The following ADAMTSL1 variants were observed in gnomAD, a reference collection of about 807,000 sequenced individuals.
The protein encoded by ADAMTSL1 is ADAMTS like 1.
ADAMTSL1 carries 126 observed loss-of-function variants against 201.8 expected under a neutral mutation model. The observed-to-expected ratio is 0.62, with a 90% CI of 0.54 to 0.72. ADAMTSL1 has a LOEUF of 0.72. ADAMTSL1 is among the 30% of genes least tolerant of loss of function. ADAMTSL1 has a pLI of 0.00. For missense variants in ADAMTSL1, 2,679 were observed against 2,277.8 expected, an observed-to-expected ratio of 1.18 and a Z score of -3.59; for synonymous variants, 1,121 against 903.4, an observed-to-expected ratio of 1.24 and a Z score of -4.32.
intron 27 of ADAMTSL1, 78 bp downstream of exon 27, chr9:18,905,969 C>G: frequency 2.3e-6 from 3 of 1,289,662 alleles, no homozygotes; most frequent in Non-Finnish European, 2.2e-6. Context: ...GAATGTTTCT[C>G]CTCCAACTAA....
At chr9:17,990,008 T>G (rs1429111031) in intron 1 of ADAMTSL1, among the ~76,000 whole-genome samples, 3 of 151,688 alleles carry the variant, frequency 2.0e-5, no homozygotes, top group African/African-American at 7.3e-5. Flanking sequence ...TAAGTTCATG[T>G]TAGGGCAAAA....
chr9:18,724,150 G>T (rs1817723450), intron 15 of ADAMTSL1, among the ~76,000 whole-genome samples: 1 of 152,200 alleles, frequency 6.6e-6, no homozygotes. Flanking sequence ...ATAACAAAAT[G>T]ACATTTCAAG....
At chr9:18,287,625 A>AAG (rs1563860051) in intron 2 of ADAMTSL1, among the ~76,000 whole-genome samples, 1 of 135,150 alleles carries the variant, frequency 7.4e-6, no homozygotes, top group Non-Finnish European at 1.7e-5. Flanking sequence ...ATGTGTATAC[A>AAG]TATACGCATA....
intron 2 of ADAMTSL1, among the ~76,000 whole-genome samples, chr9:18,191,734 G>A (rs1215700233): frequency 6.6e-6 from 1 of 152,082 alleles, no homozygotes; most frequent in Non-Finnish European, 1.5e-5. Context: ...AAATAATTGT[G>A]GTAACTGGCA....
At chr9:18,364,326 T>C (rs534289435) in intron 2 of ADAMTSL1, among the ~76,000 whole-genome samples, 5 of 152,236 alleles carry the variant, frequency 3.3e-5, no homozygotes, top group Middle Eastern at 3.4e-3. Context: ...AAATTCTCTA[T>C]AGGATGGCTA....
intron 3 of ADAMTSL1, 109 bp from the exon 4 acceptor site, chr9:18,573,918 CAGG>C: frequency 1.3e-6 from 1 of 761,392 alleles, no homozygotes; most frequent in South Asian, 1.8e-5. Flanking sequence ...CTATCATGAC[CAGG>C]ACATTTGTTT....
intron 2 of ADAMTSL1, among the ~76,000 whole-genome samples, chr9:18,193,050 T>G (rs1181283896): frequency 1.3e-5 from 2 of 152,140 alleles, no homozygotes; most frequent in Non-Finnish European, 2.9e-5. Flanking sequence ...TGAGTGACCA[T>G]GGAGTCAATG....
In ADAMTSL1 at chr9:18,892,529, G is replaced by T; in HGVS notation, c.4784G>T (p.Arg1595Leu). 1.3e-6 allele frequency: 2 copies of T among 1,590,500 alleles called. No homozygotes were observed. Among genetic ancestry groups the T allele is most frequent in the East Asian group, 2.3e-5 (1 of 43,758 alleles). ...SNDMCTQVAK[R>L]PVDTQACNQQ... Reference sequence around the variant, plus strand: ...GACATGTGCACCCAGGTCGCCAAGCGGCCTGTGGACACCCAGGCCTGTAAC... The same window carrying T: ...GACATGTGCACCCAGGTCGCCAAGCTGCCTGTGGACACCCAGGCCTGTAAC... The change falls in exon 26 of 29, where the codon CGG (arginine) becomes CTG (leucine). Residue 1595 changes from arginine (R) to leucine (L), a missense_variant. By Grantham distance (102) the Arg-to-Leu change is moderately radical (BLOSUM62 -2). Transcript: ENST00000380548.
chr9:18,282,630 G>GCT (rs1198154986), intron 2 of ADAMTSL1, among the ~76,000 whole-genome samples: 1 of 152,220 alleles, frequency 6.6e-6, no homozygotes, highest in Non-Finnish European at 1.5e-5. Flanking sequence ...GGGTGCAGTG[G>GCT]CTCACGCCTG....
intron 1 of ADAMTSL1, among the ~76,000 whole-genome samples, chr9:18,078,998 C>G (rs757160992): frequency 1.3e-5 from 2 of 152,162 alleles, no homozygotes; most frequent in Non-Finnish European, 2.9e-5. Flanking sequence ...CAAGGTTCCC[C>G]AGGCAGGGGT....
chr9:18,527,455 A>G (rs1355220981), intron 2 of ADAMTSL1, among the ~76,000 whole-genome samples: 1 of 152,208 alleles, frequency 6.6e-6, no homozygotes, highest in African/African-American at 2.4e-5. Flanking sequence ...ATTTTAAAGT[A>G]AAGGAGCGAT....
At chr9:18,812,693 T>G (rs78014577) in intron 20 of ADAMTSL1, among the ~76,000 whole-genome samples, 1 of 152,182 alleles carries the variant, frequency 6.6e-6, no homozygotes, top group African/African-American at 2.4e-5. Flanking sequence ...ATTTAAATCT[T>G]TGATCCATTT....
chr9:18,597,120 C>T (rs1046650157), intron 4 of ADAMTSL1, among the ~76,000 whole-genome samples: 10 of 152,154 alleles, frequency 6.6e-5, no homozygotes, highest in South Asian at 2.1e-4. Flanking sequence ...GATGGAGCAA[C>T]GAGTCAATAA....
intron 2 of ADAMTSL1, among the ~76,000 whole-genome samples, chr9:18,531,243 A>T (rs1211149739): frequency 6.6e-6 from 1 of 152,200 alleles, no homozygotes; most frequent in East Asian, 1.9e-4. Context: ...CTCAGCAGTC[A>T]TGAAAATCCA....
intron 2 of ADAMTSL1, among the ~76,000 whole-genome samples, chr9:18,344,063 A>G (rs1835589849): frequency 6.6e-6 from 1 of 152,122 alleles, no homozygotes; most frequent in South Asian, 2.1e-4. Context: ...CAAAAAAACC[A>G]TTAGATAACA....
chr9:18,229,347 G>A (rs1190673273), intron 2 of ADAMTSL1, among the ~76,000 whole-genome samples: 3 of 151,938 alleles, frequency 2.0e-5, no homozygotes, highest in Admixed American at 1.3e-4. Flanking sequence ...AAGGCCAAAG[G>A]GACATGATTA....
chr9:18,558,505 A>T (rs1035723715), intron 3 of ADAMTSL1, among the ~76,000 whole-genome samples: 2 of 152,208 alleles, frequency 1.3e-5, no homozygotes, highest in Admixed American at 1.3e-4. Context: ...AATTATTTAT[A>T]ATCCTTTGGG....
rs559583837 is a variant in ADAMTSL1 at position 18,479,683 on chromosome 9, C to T, written c.63+5388C>T. Among the ~76,000 whole-genome samples, 3 of 152,288 alleles carry T rather than the reference C, an allele frequency of 2.0e-5. No homozygotes were observed. The South Asian group carries it at 6.2e-4, about 32-fold the overall frequency. On this transcript the variant is annotated intron_variant, in intron 1 of 28. Coordinates refer to ENST00000380548, the MANE Select transcript of ADAMTSL1 (RefSeq NM_001040272.6). ...TTACACTTCTTTCTGTCCCACAAAG[C>T]TGTGGGGGACAGCAGAAGGTGTGAC... is the stretch of plus-strand genomic sequence containing the variant.
At chr9:18,887,753 C>T in intron 23 of ADAMTSL1, 78 bp from the exon 24 acceptor site, 1 of 1,322,794 alleles carries the variant, frequency 7.6e-7, no homozygotes, top group Non-Finnish European at 1.1e-6. Context: ...TCTAGAGCCA[C>T]ACAGACAGTA....
Sources: gnomAD v4.1 joint callset for allele counts (sites outside exome capture counted in the v4.1 genomes callset) on GRCh38, gnomAD v4.1.1 for gene constraint, MANE v1.5 for transcripts, NCBI Gene and HGNC (gene_info 2026-07-23, HGNC 2026-07-21) for gene names.